The following KCNC4 variants were observed in gnomAD, a reference collection of about 807,000 sequenced individuals.
KCNC4 encodes potassium voltage-gated channel subfamily C member 4.
KCNC4 carries 23 observed loss-of-function variants against 42.8 expected under a neutral mutation model. The ratio of observed to expected loss-of-function variants is 0.54; its 90% CI spans 0.39 to 0.76. The LOEUF (loss-of-function observed/expected upper bound fraction) is 0.76. KCNC4 is among the 30% of genes least tolerant of loss of function. The probability of loss-of-function intolerance (pLI) is 0.00; values close to 1 mark genes in which losing one functional copy is unlikely to be tolerated. For synonymous variants in KCNC4, 422 were observed against 393.5 expected, an observed-to-expected ratio of 1.07 and a Z score of -0.86; for missense variants, 751 against 898.2, an observed-to-expected ratio of 0.84 and a Z score of 2.10.
rs1254878264 is a variant in KCNC4, at chr1:110,233,766, A to G, written c.*794A>G. ...GAGAAGGGAAGCCTTGGGCAAGAGG[A>G]GACCAGTTGCAATACTGTACTTCCT... On this transcript the variant is annotated 3_prime_UTR_variant, in exon 4 of 4. Coordinates refer to ENST00000438661, the MANE Select transcript of KCNC4 (RefSeq NM_001039574.3). 1 of 152,394 alleles carries G rather than the reference A, an allele frequency of 6.6e-6. No homozygotes were observed. The highest frequency in any genetic ancestry group is 1.5e-5 in the Non-Finnish European group (1 of 68,202). 9.4% of individuals were successfully genotyped at this position (152,394 alleles called of 1,614,324 possible). A position where few individuals can be genotyped will look rare whatever the true frequency, so the allele number is the denominator to read the frequency against.
chr1:110,241,634 G>A (rs1273075761), exon 4 of KCNC4: 1 of 152,220 alleles, frequency 6.6e-6, no homozygotes, highest in African/African-American at 2.4e-5. Context: ...AATGGAGGCT[G>A]CCTCTGTCTG....
Position 110,211,999 on chromosome 1 carries a change from G to A in KCNC4, c.500G>A (p.Gly167Asp), listed in dbSNP as rs750463399. 2 of 1,607,140 alleles carry A rather than the reference G, an allele frequency of 1.2e-6. No individual in the cohort carries two copies. Among genetic ancestry groups the A allele is most frequent in the Non-Finnish European group, 1.7e-6 (2 of 1,177,930 alleles). ...ALDIFESPDG[G>D]GSGAGPSDEA... Reference sequence around the variant, plus strand: ...GACATCTTCGAGAGCCCGGACGGAGGCGGCAGCGGCGCGGGGCCCAGCGAC... The same window carrying A: ...GACATCTTCGAGAGCCCGGACGGAGACGGCAGCGGCGCGGGGCCCAGCGAC... Residue 167 changes from glycine to aspartate, a missense_variant, in exon 1 of 4, where the codon GGC (glycine) becomes GAC (aspartate). By Grantham distance (94) the Gly-to-Asp change is moderately conservative. Coordinates refer to ENST00000438661, the MANE Select transcript of KCNC4 (RefSeq NM_001039574.3). The surrounding 1 kb of genome is among the most constrained non-coding windows in gnomAD (Gnocchi z 6.5).
At chr1:110,263,545 C>T (rs1225639251) in intron 1 of KCNC4, among the ~76,000 whole-genome samples, 2 of 152,070 alleles carry the variant, frequency 1.3e-5, no homozygotes, top group Non-Finnish European at 2.9e-5. Context: ...GCAACACAGA[C>T]AGACAGACAC....
downstream of KCNC4, chr1:110,234,137 A>G (rs12729309): frequency 0.28 from 42,001 of 152,080 alleles, 6,941 homozygotes; most frequent in Non-Finnish European, 0.37. Context: ...CACACTCAGC[A>G]TAACCCCACT....
downstream of KCNC4, among the ~76,000 whole-genome samples, chr1:110,249,849 TTC>T (rs983475593): frequency 9.2e-5 from 14 of 152,296 alleles, no homozygotes; most frequent in African/African-American, 3.4e-4. Flanking sequence ...CCAGAACTCT[TTC>T]TGTCTTCCCA....
chr1:110,266,974 C>T (rs1311535450), intron 1 of KCNC4, among the ~76,000 whole-genome samples: 1 of 152,210 alleles, frequency 6.6e-6, no homozygotes, highest in African/African-American at 2.4e-5. Flanking sequence ...CAAACACCAT[C>T]TGCCAAGAGG....
At chr1:110,227,349 A>C (rs1287876878) in intron 3 of KCNC4, among the ~76,000 whole-genome samples, 1 of 150,544 alleles carries the variant, frequency 6.6e-6, no homozygotes, top group African/African-American at 2.4e-5. Context: ...TTTCAGTACC[A>C]CTCTCCCCAT....
downstream of KCNC4, chr1:110,235,532 C>T (rs1411463408): frequency 1.3e-5 from 2 of 152,168 alleles, no homozygotes; most frequent in Non-Finnish European, 2.9e-5. Flanking sequence ...AGCAGGGGTA[C>T]TAGATGCCAG....
intron 1 of KCNC4, among the ~76,000 whole-genome samples, chr1:110,255,717 A>G (rs754645107): frequency 1.3e-5 from 2 of 152,180 alleles, no homozygotes; most frequent in Non-Finnish European, 2.9e-5. Context: ...GCTCTGGGCC[A>G]ATGGGGATCA....
At chr1:110,231,485 C>T (rs996029728) in intron 3 of KCNC4, among the ~76,000 whole-genome samples, 1 of 152,314 alleles carries the variant, frequency 6.6e-6, no homozygotes, top group South Asian at 2.1e-4. Flanking sequence ...TCCCTGGCTT[C>T]TGGGACACTT....
At chr1:110,278,929 C>G (rs1210208252) in intron 1 of KCNC4, among the ~76,000 whole-genome samples, 1 of 152,182 alleles carries the variant, frequency 6.6e-6, no homozygotes, top group Admixed American at 6.5e-5. Context: ...AGGGGCCCAA[C>G]TGCAACCTTT....
chr1:110,227,469 T>C (rs1472822211), intron 3 of KCNC4, among the ~76,000 whole-genome samples: 2 of 152,186 alleles, frequency 1.3e-5, no homozygotes, highest in Non-Finnish European at 2.9e-5. Flanking sequence ...ATCTGGTGCC[T>C]AGAAGGAAGT....
rs956244922 is a variant in KCNC4 at position 110,225,997 on chromosome 1, C to T, written c.1638C>T (p.Ala546=). The change falls in exon 3 of 4, where the codon GCC becomes GCT. Residue 546 remains alanine (A), a synonymous_variant. Coordinates refer to ENST00000438661, the MANE Select transcript of KCNC4 (RefSeq NM_001039574.3). ...CAGACTCTAAGCAGAATGGCGATGC[C>T]AACGCAGTGCTGTCTGATGAGGAGG... ...KRADSKQNGD[A]NAVLSDEEGA... 6.2e-7 allele frequency: 1 copy of T among 1,603,614 alleles called. No individual in the cohort carries two copies. Among genetic ancestry groups the T allele is most frequent in the African/African-American group, 1.3e-5 (1 of 74,770 alleles).
chr1:110,262,830 A>T (rs1296690977), intron 1 of KCNC4, among the ~76,000 whole-genome samples: 1 of 152,074 alleles, frequency 6.6e-6, no homozygotes, highest in Non-Finnish European at 1.5e-5. Context: ...GCTTTCCTAT[A>T]GTGCTTACCT....
At chr1:110,253,232 CA>C (rs1659274350), downstream of KCNC4, among the ~76,000 whole-genome samples, 1 of 152,202 alleles carries the variant, frequency 6.6e-6, no homozygotes, top group Non-Finnish European at 1.5e-5. Context: ...ATTTACTGAC[CA>C]TGAGGGCACT....
chr1:110,268,062 A>G (rs188195889), intron 1 of KCNC4, among the ~76,000 whole-genome samples: 7 of 152,242 alleles, frequency 4.6e-5, no homozygotes, highest in African/African-American at 1.7e-4. Context: ...TAACTTCCCC[A>G]GCTATTCCTA....
chr1:110,238,506 C>G (rs577595118), downstream of KCNC4: 4 of 152,218 alleles, frequency 2.6e-5, no homozygotes, highest in African/African-American at 4.8e-5. Flanking sequence ...TCCATTCATT[C>G]ATTTGTTCAT....
rs550365077 is a variant in KCNC4, at chr1:110,233,406, C to G, written c.*434C>G. On this transcript the variant is annotated 3_prime_UTR_variant, in exon 4 of 4. Coordinates refer to ENST00000438661, the MANE Select transcript of KCNC4 (RefSeq NM_001039574.3). ...AGTCCAGCTGGGTAGTCCCAGGCTC[C>G]TGTCTTGGGGATGTTTCCCCTGTCA... 4.4e-6 allele frequency: 1 copy of G among 228,428 alleles called. No homozygotes were observed. The highest frequency in any genetic ancestry group is 5.2e-5 in the Admixed American group (1 of 19,152). 14.2% of individuals were successfully genotyped at this position (228,428 alleles called of 1,614,324 possible).
At chr1:110,249,176 T>G (rs1659207347), downstream of KCNC4, 1 of 152,242 alleles carries the variant, frequency 6.6e-6, no homozygotes, top group South Asian at 2.1e-4. Context: ...CCTAACTGCT[T>G]CTCACCATCT....
Sources: gnomAD v4.1 joint callset for allele counts (sites outside exome capture counted in the v4.1 genomes callset) on GRCh38, gnomAD v4.1.1 for gene constraint, Gnocchi (gnomAD v3.1) non-coding constraint, MANE v1.5 for transcripts, NCBI Gene and HGNC (gene_info 2026-07-23, HGNC 2026-07-21) for gene names.